MDFIC2: variants seen among roughly 807,000 people sequenced by gnomAD.
The protein encoded by MDFIC2 is myoD family inhibitor domain-containing protein 2.
intron 2 of MDFIC2, among the ~76,000 whole-genome samples, chr3:70,274,236 T>C (rs1396863215): frequency 6.6e-6 from 1 of 152,080 alleles, no homozygotes; most frequent in African/African-American, 2.4e-5. Context: ...TATGTTTTAA[T>C]ACTCTCAGTT....
At chr3:70,301,822 ACT>A (rs1702351304) in intron 2 of MDFIC2, among the ~76,000 whole-genome samples, 1 of 152,044 alleles carries the variant, frequency 6.6e-6, no homozygotes, top group African/African-American at 2.4e-5. Flanking sequence ...TATTTTGGTA[ACT>A]CTACAGGAAG....
At chr3:70,253,219 G>C (rs2106653795) in intron 2 of MDFIC2, among the ~76,000 whole-genome samples, 1 of 152,344 alleles carries the variant, frequency 6.6e-6, no homozygotes, top group South Asian at 2.1e-4. Context: ...AGTCCTTACT[G>C]AGAAGGTGCC....
intron 2 of MDFIC2, among the ~76,000 whole-genome samples, chr3:70,230,803 C>A (rs1261823256): frequency 6.6e-6 from 1 of 152,270 alleles, no homozygotes; most frequent in East Asian, 1.9e-4. Context: ...GGTCCAAATA[C>A]GTCTTCAAAT....
intron 3 of MDFIC2, among the ~76,000 whole-genome samples, chr3:70,202,140 A>T (rs1701246165): frequency 6.6e-6 from 1 of 152,036 alleles, no homozygotes; most frequent in South Asian, 2.1e-4. Flanking sequence ...TCTGATAGTG[A>T]TTGGTGACTG....
intron 2 of MDFIC2, among the ~76,000 whole-genome samples, chr3:70,307,201 G>A (rs1256029886): frequency 1.3e-5 from 2 of 152,070 alleles, no homozygotes; most frequent in Non-Finnish European, 2.9e-5. Context: ...TTGTTTTGGT[G>A]GTGGTGTTGT....
At chr3:70,304,101 C>A (rs1380700486) in intron 2 of MDFIC2, among the ~76,000 whole-genome samples, 1 of 152,122 alleles carries the variant, frequency 6.6e-6, no homozygotes, top group Non-Finnish European at 1.5e-5. Flanking sequence ...CAACCAGGGT[C>A]TATGAAAGGC....
chr3:70,286,605 G>A (rs1702166490), intron 2 of MDFIC2, among the ~76,000 whole-genome samples: 2 of 151,878 alleles, frequency 1.3e-5, no homozygotes, highest in African/African-American at 4.8e-5. Flanking sequence ...GAAAGTCATT[G>A]GTAGCTTGAT....
At chr3:70,287,894 C>T (rs1489380212) in intron 2 of MDFIC2, among the ~76,000 whole-genome samples, 1 of 152,124 alleles carries the variant, frequency 6.6e-6, no homozygotes, top group Non-Finnish European at 1.5e-5. Flanking sequence ...TCTGTGGGAT[C>T]AGTGGTGACA....
intron 2 of MDFIC2, among the ~76,000 whole-genome samples, chr3:70,259,572 A>G (rs1294852094): frequency 5.3e-5 from 8 of 152,106 alleles, no homozygotes; most frequent in Non-Finnish European, 1.5e-5. Context: ...CCTCTGTGAA[A>G]TATTTTTAAT....
intron 2 of MDFIC2, among the ~76,000 whole-genome samples, chr3:70,222,379 T>C (rs1013412656): frequency 3.3e-5 from 5 of 152,232 alleles, no homozygotes; most frequent in African/African-American, 9.6e-5. Flanking sequence ...ATTTTTATTT[T>C]TGTCAAATGA....
chr3:70,282,625 A>C (rs968913401), intron 2 of MDFIC2, among the ~76,000 whole-genome samples: 3 of 152,110 alleles, frequency 2.0e-5, no homozygotes, highest in Non-Finnish European at 4.4e-5. Flanking sequence ...TTCTTTCTAG[A>C]TCTAAACATG....
chr3:70,293,083 C>T (rs1276643667), intron 2 of MDFIC2, among the ~76,000 whole-genome samples: 3 of 125,786 alleles, frequency 2.4e-5, no homozygotes, highest in Admixed American at 1.7e-4. Flanking sequence ...TAGCATATTA[C>T]ATGACGAGAA....
rs1174944188 is a variant in MDFIC2 at position 70,196,850 on chromosome 3, A to G, written c.*76T>C. Reference sequence around the variant, plus strand: ...GTGTACAGTCCTTACATTTCAGCACATGGAAATCAGTCTTGTTGTAATGGA... The same window carrying G: ...GTGTACAGTCCTTACATTTCAGCACGTGGAAATCAGTCTTGTTGTAATGGA... On this transcript the variant is annotated 3_prime_UTR_variant, in exon 4 of 4. Coordinates refer to ENST00000567252, the MANE Select transcript of MDFIC2 (RefSeq NM_001364677.1). 1 of 397,958 alleles carries G rather than the reference A, an allele frequency of 2.5e-6. No individual in the cohort carries two copies. Among genetic ancestry groups the G allele is most frequent in the African/African-American group, 2.1e-5 (1 of 48,728 alleles). 24.7% of individuals were successfully genotyped at this position (397,958 alleles called of 1,614,324 possible). A position where few individuals can be genotyped will look rare whatever the true frequency, so the allele number is the denominator to read the frequency against.
At chr3:70,233,657 T>C (rs9827915) in intron 2 of MDFIC2, among the ~76,000 whole-genome samples, 12,177 of 152,196 alleles carry the variant, frequency 0.08, 766 homozygotes, top group African/African-American at 0.18. Context: ...TGCATCCCTC[T>C]ACTTCCTTCA....
intron 2 of MDFIC2, among the ~76,000 whole-genome samples, chr3:70,298,661 T>C (rs907701225): frequency 6.6e-6 from 1 of 152,134 alleles, no homozygotes; most frequent in Admixed American, 6.6e-5. Context: ...GAATGAGTAA[T>C]AGGTTTAAAA....
chr3:70,223,344 C>G (rs1432781486), intron 2 of MDFIC2, among the ~76,000 whole-genome samples: 1 of 152,160 alleles, frequency 6.6e-6, no homozygotes, highest in African/African-American at 2.4e-5. Flanking sequence ...TTACCACCAC[C>G]TATCTCTGCA....
chr3:70,239,969 GC>G (rs34662308), intron 2 of MDFIC2, among the ~76,000 whole-genome samples: 64 of 152,064 alleles, frequency 4.2e-4, no homozygotes, highest in African/African-American at 1.4e-3. Flanking sequence ...AAAGTAGTAA[GC>G]TTTGAAATTG....
rs778808539 is a variant in MDFIC2 at position 70,196,231 on chromosome 3, AC to A, written c.*694del. On this transcript the variant is annotated 3_prime_UTR_variant, in exon 4 of 4. Coordinates refer to ENST00000567252, the MANE Select transcript of MDFIC2 (RefSeq NM_001364677.1). ...CTGTAACGAATTAAGAATATGAATA[AC>A]CTGTTATGACATAGTCATAGACATA... Among the ~76,000 whole-genome samples, 1 of 152,164 alleles carries A rather than the reference AC, an allele frequency of 6.6e-6. No homozygotes were observed. The highest frequency in any genetic ancestry group is 1.5e-5 in the Non-Finnish European group (1 of 68,026).
chr3:70,235,579 G>A (rs1002026826), intron 2 of MDFIC2, among the ~76,000 whole-genome samples: 12 of 152,078 alleles, frequency 7.9e-5, no homozygotes, highest in Admixed American at 2.0e-4. Flanking sequence ...TCAGGCTCAC[G>A]GCTCTGTCCT....
Sources: gnomAD v4.1 joint callset for allele counts (sites outside exome capture counted in the v4.1 genomes callset) on GRCh38, gnomAD v4.1.1 for gene constraint, MANE v1.5 for transcripts, NCBI Gene and HGNC (gene_info 2026-07-23, HGNC 2026-07-21) for gene names.